Variants in TFDP2 observed in about 807,000 individuals in gnomAD.
TFDP2 encodes the protein transcription factor Dp-2 (E2F dimerization partner 2).
In TFDP2, 17 loss-of-function variants were observed where a neutral mutation model predicts 59.3. That is an observed-to-expected ratio of 0.29 (90% confidence interval 0.20 to 0.43). TFDP2 has a LOEUF of 0.43. Among genes scored for constraint, TFDP2 ranks in the 20% least tolerant of loss-of-function variants. The pLI, the probability that TFDP2 is intolerant of heterozygous loss-of-function variation, is 1.00. For synonymous variants in TFDP2, 180 were observed against 194.7 expected, an observed-to-expected ratio of 0.92 and a Z score of 0.63; for missense variants, 391 against 528.8, an observed-to-expected ratio of 0.74 and a Z score of 2.56.
At chr3:142,050,347 CCTT>C (rs1288837513) in intron 3 of TFDP2, among the ~76,000 whole-genome samples, 2 of 151,936 alleles carry the variant, frequency 1.3e-5, no homozygotes, top group East Asian at 3.9e-4. Context: ...AGACACCTAT[CCTT>C]CTGCGACACT....
chr3:141,968,383 C>CATATATA (rs1559936890), intron 9 of TFDP2, among the ~76,000 whole-genome samples: 1 of 105,034 alleles, frequency 9.5e-6, no homozygotes, highest in African/African-American at 3.4e-5. Flanking sequence ...ACATATATCT[C>CATATATA]ATATATATAA....
intron 2 of TFDP2, among the ~76,000 whole-genome samples, chr3:142,093,787 C>G (rs2061075603): frequency 6.6e-6 from 1 of 152,138 alleles, no homozygotes; most frequent in Non-Finnish European, 1.5e-5. Context: ...GACCATCAAG[C>G]CTACTAGGGG....
At chr3:142,141,747 C>T (rs1327224185) in intron 1 of TFDP2, among the ~76,000 whole-genome samples, 3 of 151,572 alleles carry the variant, frequency 2.0e-5, no homozygotes, top group Middle Eastern at 3.2e-3. Context: ...CACTTGAACC[C>T]GGGAGTCGGA....
chr3:142,113,021 TTC>T (rs140309523), intron 1 of TFDP2, among the ~76,000 whole-genome samples: 1,679 of 152,292 alleles, frequency 0.011, 24 homozygotes, highest in Non-Finnish European at 0.014. Context: ...TAAAATCACA[TTC>T]TGAGACCCTG....
rs58641426 is a variant in TFDP2 at position 142,061,889 on chromosome 3, TA to T, written c.82+31171del. ...CAATCAATTTCTCTCTCTCTCTCTC[TA>T]CACACACACACACACACACACACAC... On this transcript the variant is annotated intron_variant, in intron 3 of 12. Coordinates refer to ENST00000489671, the MANE Select transcript of TFDP2 (RefSeq NM_001178139.2). Among the ~76,000 whole-genome samples the T allele has an allele frequency of 2.5e-3, 202 of 79,940 alleles. 3 individuals are homozygous for T. Among genetic ancestry groups the T allele is most frequent in the Middle Eastern group, 8.5e-3 (1 of 118 alleles). 52.4% of individuals were successfully genotyped at this position (79,940 alleles called of 152,430 possible).
chr3:142,068,375 A>C (rs1229587886), intron 3 of TFDP2, among the ~76,000 whole-genome samples: 1 of 152,182 alleles, frequency 6.6e-6, no homozygotes, highest in Non-Finnish European at 1.5e-5. Flanking sequence ...TGGCAATTAC[A>C]TTTTAGATAC....
intron 8 of TFDP2, 88 bp from the exon 9 acceptor site, chr3:141,970,229 T>C: frequency 7.8e-7 from 1 of 1,289,374 alleles, no homozygotes; most frequent in Non-Finnish European, 1.1e-6. Context: ...GAGATAACAA[T>C]TTTCCCTAGA....
chr3:142,125,588 T>C (rs2062209206), intron 1 of TFDP2, among the ~76,000 whole-genome samples: 1 of 152,110 alleles, frequency 6.6e-6, no homozygotes, highest in South Asian at 2.1e-4. Context: ...TGCGTATCAA[T>C]AGTAGACTAG....
rs947765016 is a variant in TFDP2 at position 141,973,912 on chromosome 3, C to A, written c.663+136G>T. On this transcript the variant is annotated intron_variant, in intron 8 of 12. Transcript: ENST00000489671. ...TAAGGCGCCTTCCAATTCTAAAATT[C>A]TACAGTCTGTTAAAAAATGACATGG... 9 of 1,036,280 alleles carry A rather than the reference C, an allele frequency of 8.7e-6. No individual in the cohort carries two copies. In the African/African-American group the frequency reaches 1.0e-4, roughly 11 times the overall value. 64.2% of individuals were successfully genotyped at this position (1,036,280 alleles called of 1,614,324 possible). A position where few individuals can be genotyped will look rare whatever the true frequency, so the allele number is the denominator to read the frequency against.
At chr3:142,099,940 C>T (rs919475768) in intron 2 of TFDP2, among the ~76,000 whole-genome samples, 7 of 152,152 alleles carry the variant, frequency 4.6e-5, no homozygotes, top group African/African-American at 1.7e-4. Flanking sequence ...AAGTCAAATA[C>T]TGAGAAGTCT....
At position 141,948,809 on chromosome 3, in the gene TFDP2, A is replaced by G. The variant is rs1441107928; in HGVS notation, c.*3704T>C. ...CTAAACTGAACCACTCCTCTGTGAA[A>G]TATTTCCATTTGAGGCCGGGTGCGG... On this transcript the variant is annotated 3_prime_UTR_variant, in exon 13 of 13. Coordinates refer to ENST00000489671, the MANE Select transcript of TFDP2 (RefSeq NM_001178139.2). 6.6e-6 allele frequency: 1 copy of G among 152,048 alleles called. No individual in the cohort carries two copies. The highest frequency in any genetic ancestry group is 6.6e-5 in the Admixed American group (1 of 15,254). The allele number at this position is 152,048 out of a possible 1,614,324, so 9.4% of individuals were successfully genotyped here. A position where few individuals can be genotyped will look rare whatever the true frequency, so the allele number is the denominator to read the frequency against.
chr3:142,085,720 G>A (rs1418872535), intron 3 of TFDP2, among the ~76,000 whole-genome samples: 1 of 152,034 alleles, frequency 6.6e-6, no homozygotes, highest in Non-Finnish European at 1.5e-5. Context: ...TGCATATAAC[G>A]CCTCTTGTCC....
At chr3:142,029,228 C>T (rs983574473) in intron 3 of TFDP2, 3 of 152,182 alleles carry the variant, frequency 2.0e-5, no homozygotes, top group African/African-American at 7.2e-5. Context: ...AACTGTCCAG[C>T]TCTTGTGGGA....
At chr3:142,059,683 G>A (rs1412031429) in intron 3 of TFDP2, among the ~76,000 whole-genome samples, 4 of 152,122 alleles carry the variant, frequency 2.6e-5, no homozygotes, top group East Asian at 1.9e-4. Flanking sequence ...AGGTTCCAGC[G>A]ATTCTCCTGC....
chr3:142,058,319 GT>G (rs397876925), intron 3 of TFDP2, among the ~76,000 whole-genome samples: 13,122 of 137,428 alleles, frequency 0.095, 658 homozygotes, highest in Middle Eastern at 0.16. Context: ...AAATGTTTGG[GT>G]TTTTTTTTTT....
intron 3 of TFDP2, among the ~76,000 whole-genome samples, chr3:142,017,118 T>C (rs1267724211): frequency 6.6e-6 from 1 of 152,248 alleles, no homozygotes; most frequent in Non-Finnish European, 1.5e-5. Flanking sequence ...CAGAGATATC[T>C]ACCACCCTAT....
intron 3 of TFDP2, among the ~76,000 whole-genome samples, chr3:142,039,624 G>T (rs1396328892): frequency 6.6e-6 from 1 of 152,174 alleles, no homozygotes; most frequent in African/African-American, 2.4e-5. Context: ...TACTGCTCAG[G>T]AAAGGGCAGA....
At chr3:142,068,970 C>T (rs2060155672) in intron 3 of TFDP2, among the ~76,000 whole-genome samples, 1 of 152,112 alleles carries the variant, frequency 6.6e-6, no homozygotes, top group African/African-American at 2.4e-5. Flanking sequence ...GGCTAAAGTG[C>T]AGTGGCGCAA....
At chr3:142,007,844 C>T (rs1390575243) in intron 3 of TFDP2, among the ~76,000 whole-genome samples, 2 of 152,118 alleles carry the variant, frequency 1.3e-5, no homozygotes, top group African/African-American at 2.4e-5. Flanking sequence ...GGAGGCGGAG[C>T]TCAGGCAGTG....
Sources: allele counts gnomAD v4.1 joint callset (sites outside exome capture counted in the v4.1 genomes callset), GRCh38; gene constraint gnomAD v4.1.1; transcripts MANE v1.5; gene names NCBI Gene and HGNC (gene_info 2026-07-23, HGNC 2026-07-21).